The following ARHGAP6 variants were observed in gnomAD, a reference collection of about 807,000 sequenced individuals.
ARHGAP6 encodes rho GTPase-activating protein 6.
A neutral mutation model predicts 55.7 loss-of-function variants in ARHGAP6; 16 were observed. The ratio of observed to expected loss-of-function variants is 0.29; its 90% CI spans 0.19 to 0.44. The LOEUF (loss-of-function observed/expected upper bound fraction) is 0.44, where lower values mean the gene tolerates loss of function less well. Ranked by LOEUF, ARHGAP6 falls within the 20% of genes least tolerant of loss-of-function variation. The pLI, the probability that ARHGAP6 is intolerant of heterozygous loss-of-function variation, is 1.00. For missense variants in ARHGAP6, 698 were observed against 808.9 expected (o/e 0.86, Z 1.66); for synonymous variants, 382 against 360.9 (o/e 1.06, Z -0.66).
chrX:11,227,604 T>C, intron 2 of ARHGAP6, among the ~76,000 whole-genome samples: 1 of 110,182 alleles, frequency 9.1e-6, no homozygotes, highest in Non-Finnish European at 1.9e-5. Flanking sequence ...CTGTCAGTGG[T>C]GCCCATGTCT....
At chrX:11,468,263 GAAATGAAACAA>G (rs1433801788) in intron 1 of ARHGAP6, among the ~76,000 whole-genome samples, 1 of 111,864 alleles carries the variant, frequency 8.9e-6, no homozygotes, top group Non-Finnish European at 1.9e-5. Context: ...AATATAATAA[GAAATGAAACAA>G]AAATGAAACT....
rs2052751222 is a variant in ARHGAP6 at position 11,665,753 on chromosome X, G to A, written c.-925C>T. On this transcript the variant is annotated 5_prime_UTR_variant, in exon 1 of 13. Transcript: ENST00000337414. ...ACCCCGTACGCTCGCTCTAGAGGCA[G>A]CGGGAAGGGGGCGGCCAGGACGTGT... 1 of 113,454 alleles carries A rather than the reference G, an allele frequency of 8.8e-6. No homozygotes were observed. The highest frequency in any genetic ancestry group is 9.2e-5 in the Admixed American group (1 of 10,836). 9.3% of individuals were successfully genotyped at this position (113,454 alleles called of 1,213,427 possible). A position where few individuals can be genotyped will look rare whatever the true frequency, so the allele number is the denominator to read the frequency against.
chrX:11,184,193 C>T (rs2046356892), intron 5 of ARHGAP6, among the ~76,000 whole-genome samples: 1 of 111,958 alleles, frequency 8.9e-6, no homozygotes, highest in African/African-American at 3.2e-5. Context: ...TTTCTGAGTT[C>T]CTTTCTCTTG....
intron 2 of ARHGAP6, among the ~76,000 whole-genome samples, chrX:11,198,821 A>G (rs757493939): frequency 4.4e-5 from 5 of 112,416 alleles, no homozygotes; most frequent in African/African-American, 1.6e-4. Flanking sequence ...CAACATATCT[A>G]ATAGCCAAGT....
intron 1 of ARHGAP6, among the ~76,000 whole-genome samples, chrX:11,267,417 C>T (rs991515212): frequency 3.6e-5 from 4 of 111,441 alleles, no homozygotes; most frequent in Admixed American, 2.9e-4. Flanking sequence ...GAAACAGAAG[C>T]GCAGAGGAGT....
chrX:11,166,549 G>A (rs1160350122), intron 9 of ARHGAP6, among the ~76,000 whole-genome samples: 2 of 112,078 alleles, frequency 1.8e-5, no homozygotes, highest in Non-Finnish European at 3.8e-5. Context: ...CGACATACAA[G>A]ATTACATTTT....
At chrX:11,517,880 A>C (rs915418353) in intron 1 of ARHGAP6, among the ~76,000 whole-genome samples, 6 of 110,951 alleles carry the variant, frequency 5.4e-5, no homozygotes, top group Non-Finnish European at 3.8e-5. Flanking sequence ...TGGGCTTAAT[A>C]CCTAGATGAT....
chrX:11,417,958 G>C (rs1374587984), intron 1 of ARHGAP6, among the ~76,000 whole-genome samples: 2 of 112,121 alleles, frequency 1.8e-5, no homozygotes, highest in Non-Finnish European at 3.8e-5. Context: ...GACTCATAGA[G>C]AGCATTCAAT....
intron 1 of ARHGAP6, among the ~76,000 whole-genome samples, chrX:11,388,566 C>T (rs1256101386): frequency 6.3e-5 from 7 of 111,605 alleles, no homozygotes; most frequent in Admixed American, 9.5e-5. Flanking sequence ...TAATTAGATC[C>T]CATTTGTCAA....
chrX:11,322,884 G>C (rs1381572343), intron 1 of ARHGAP6, among the ~76,000 whole-genome samples: 4 of 111,868 alleles, frequency 3.6e-5, no homozygotes, highest in Admixed American at 2.8e-4. Flanking sequence ...TGTGATTTGG[G>C]GTTTAACCCA....
At chrX:11,202,799 CAAAAAAAAAAAAAAAA>C (rs776633959) in intron 2 of ARHGAP6, among the ~76,000 whole-genome samples, 1 of 9,451 alleles carries the variant, frequency 1.1e-4, no homozygotes, top group Non-Finnish European at 1.7e-4. Context: ...GACTCCGTCT[CAAAAAAAAAAAAAAAA>C]AAAAAAAAAA....
chrX:11,345,785 AT>A (rs892736008), intron 1 of ARHGAP6, among the ~76,000 whole-genome samples: 7 of 110,047 alleles, frequency 6.4e-5, no homozygotes, highest in East Asian at 2.8e-4. Context: ...TAGTAGTTGA[AT>A]TTTTTTTTCA....
chrX:11,520,865 G>C (rs2050916503), intron 1 of ARHGAP6, among the ~76,000 whole-genome samples: 1 of 112,041 alleles, frequency 8.9e-6, no homozygotes, highest in Admixed American at 9.5e-5. Flanking sequence ...TAACTGGTGT[G>C]AGATGGTATC....
chrX:11,356,315 G>T (rs1387303639), intron 1 of ARHGAP6, among the ~76,000 whole-genome samples: 1 of 110,767 alleles, frequency 9.0e-6, no homozygotes, highest in Non-Finnish European at 1.9e-5. Flanking sequence ...TAATGCACGT[G>T]GGGCTTAAAA....
At chrX:11,244,117 G>T (rs748563787) in intron 2 of ARHGAP6, among the ~76,000 whole-genome samples, 2 of 112,149 alleles carry the variant, frequency 1.8e-5, no homozygotes, top group Non-Finnish European at 3.8e-5. Flanking sequence ...TTAAAATAAT[G>T]AAGAAATTGA....
intron 1 of ARHGAP6, among the ~76,000 whole-genome samples, chrX:11,627,386 A>C (rs2052310532): frequency 8.9e-6 from 1 of 111,866 alleles, no homozygotes; most frequent in African/African-American, 3.2e-5. Context: ...TCAATAGGAA[A>C]AGAGATAAAA....
At chrX:11,502,776 A>T (rs186371344) in intron 1 of ARHGAP6, among the ~76,000 whole-genome samples, 156 of 112,595 alleles carry the variant, frequency 1.4e-3, no homozygotes, top group African/African-American at 4.6e-3. Context: ...TATAATTCAT[A>T]TAACATACAA....
rs770879107 is a variant in ARHGAP6 at position 11,254,671 on chromosome X, C to T, written c.625G>A (p.Val209Ile). 1.1e-5 allele frequency: 13 copies of T among 1,183,810 alleles called. No homozygotes were observed. Among genetic ancestry groups the T allele is most frequent in the South Asian group, 1.8e-5 (1 of 54,300 alleles). The change falls in exon 2 of 13, where the codon GTA (valine) becomes ATA (isoleucine). Residue 209 changes from valine to isoleucine, a missense_variant. Transcript: ENST00000337414. Reference protein sequence around the residue: ...FTWNSMSGRSVRLRSVPIQSL... With the variant: ...FTWNSMSGRSIRLRSVPIQSL... ...TGGATGGGGACTGACCTCAGCCGTA[C>T]ACTGCGGCCTGACATGCTGTTCCAG...
At chrX:11,217,962 A>G (rs1160037170) in intron 2 of ARHGAP6, among the ~76,000 whole-genome samples, 4 of 111,971 alleles carry the variant, frequency 3.6e-5, no homozygotes, top group African/African-American at 9.8e-5. Flanking sequence ...CCATTTATTA[A>G]ATGGGGAATC....
Sources: gnomAD v4.1 joint callset for allele counts (sites outside exome capture counted in the v4.1 genomes callset) on GRCh38, gnomAD v4.1.1 for gene constraint, MANE v1.5 for transcripts, NCBI Gene and HGNC (gene_info 2026-07-23, HGNC 2026-07-21) for gene names.